EPHA6: variants seen among roughly 807,000 people sequenced by gnomAD.
EPHA6 encodes ephrin type-A receptor 6.
EPHA6 carries 50 observed loss-of-function variants against 112.0 expected under a neutral mutation model. The observed-to-expected ratio is 0.45, with a 90% CI of 0.36 to 0.56. EPHA6 has a LOEUF of 0.56. EPHA6 is among the 20% of genes least tolerant of loss of function. The pLI, the probability that EPHA6 is intolerant of heterozygous loss-of-function variation, is 0.00. For synonymous variants in EPHA6, 529 were observed against 490.7 expected, an observed-to-expected ratio of 1.08 and a Z score of -1.03; for missense variants, 1,280 against 1,417.4, an observed-to-expected ratio of 0.90 and a Z score of 1.56.
chr3:97,129,212 T>C (rs1478885254), intron 3 of EPHA6, among the ~76,000 whole-genome samples: 3 of 151,946 alleles, frequency 2.0e-5, no homozygotes, highest in Non-Finnish European at 4.4e-5. Context: ...AAAGGTACAG[T>C]GGTGGGGCCA....
At chr3:96,999,456 C>CT (rs2043548667) in intron 3 of EPHA6, among the ~76,000 whole-genome samples, 1 of 151,882 alleles carries the variant, frequency 6.6e-6, no homozygotes, top group African/African-American at 2.4e-5. Context: ...TTAGAGCAGA[C>CT]TTATGTCCTT....
At position 97,518,580 on chromosome 3, in the gene EPHA6, C is replaced by T. The variant is rs557694560; in HGVS notation, c.2201-13778C>T. 1.0e-3 allele frequency among the ~76,000 whole-genome samples: 151 copies of T among 150,928 alleles called. 1 individual carries two copies. Among genetic ancestry groups the T allele is most frequent in the Admixed American group, 6.6e-4 (10 of 15,130 alleles). On this transcript the variant is annotated intron_variant, in intron 10 of 17. Coordinates refer to ENST00000389672, the MANE Select transcript of EPHA6 (RefSeq NM_001080448.3). The stretch of plus-strand genomic sequence containing the variant: ...CATACTGTTTTCCATAGTGGCTATA[C>T]TAATTTATATTCCCATCAACAGTGT...
chr3:96,952,369 G>T (rs547591872), intron 2 of EPHA6, among the ~76,000 whole-genome samples: 47 of 152,222 alleles, frequency 3.1e-4, no homozygotes, highest in South Asian at 6.2e-4. Flanking sequence ...TGTTTGGATC[G>T]TGAAGGCTTT....
intron 3 of EPHA6, among the ~76,000 whole-genome samples, chr3:96,993,319 A>G (rs1288671570): frequency 4.7e-5 from 7 of 149,426 alleles, no homozygotes; most frequent in Non-Finnish European, 7.4e-5. Flanking sequence ...TTTTAATGAG[A>G]CAGAGTCTCT....
intron 4 of EPHA6, among the ~76,000 whole-genome samples, chr3:97,227,404 A>C (rs2108546723): frequency 6.6e-6 from 1 of 152,250 alleles, no homozygotes; most frequent in Admixed American, 6.5e-5. Flanking sequence ...TATTTTTAGT[A>C]GAGATGGGGT....
intron 3 of EPHA6, among the ~76,000 whole-genome samples, chr3:97,104,638 A>G (rs9832131): frequency 0.058 from 8,758 of 152,070 alleles, 308 homozygotes; most frequent in Middle Eastern, 0.14. Context: ...AGGTTTTGAT[A>G]TTGGGATGAT....
At chr3:96,916,848 CTAATT>C (rs1687647328) in intron 2 of EPHA6, among the ~76,000 whole-genome samples, 1 of 152,052 alleles carries the variant, frequency 6.6e-6, no homozygotes, top group Non-Finnish European at 1.5e-5. Context: ...TGGCAAAGAC[CTAATT>C]TGAATAACCA....
At chr3:97,093,007 G>A (rs2047122200) in intron 3 of EPHA6, among the ~76,000 whole-genome samples, 1 of 152,102 alleles carries the variant, frequency 6.6e-6, no homozygotes, top group East Asian at 1.9e-4. Context: ...TAGAATAAGA[G>A]AACCTGGAGA....
chr3:97,109,012 C>T (rs567492408), intron 3 of EPHA6, among the ~76,000 whole-genome samples: 1 of 152,244 alleles, frequency 6.6e-6, no homozygotes, highest in Admixed American at 6.6e-5. Context: ...AGATGGCAGG[C>T]TACACTCATA....
intron 15 of EPHA6, among the ~76,000 whole-genome samples, chr3:97,733,967 G>A (rs970873809): frequency 6.6e-6 from 1 of 151,956 alleles, no homozygotes. Context: ...AATGTTGTAA[G>A]TTAAAAGGAA....
chr3:97,613,729 T>C (rs1022645179), intron 13 of EPHA6, among the ~76,000 whole-genome samples: 1 of 152,172 alleles, frequency 6.6e-6, no homozygotes, highest in African/African-American at 2.4e-5. Context: ...ACATTCTGAC[T>C]TAGCAAGCAA....
chr3:97,419,975 G>A (rs1234353978), intron 6 of EPHA6, among the ~76,000 whole-genome samples: 1 of 151,976 alleles, frequency 6.6e-6, no homozygotes, highest in Non-Finnish European at 1.5e-5. Flanking sequence ...TAAAAAATGG[G>A]TTGTATTACC....
intron 3 of EPHA6, among the ~76,000 whole-genome samples, chr3:97,139,543 A>G (rs1408037913): frequency 1.3e-5 from 2 of 152,172 alleles, no homozygotes; most frequent in African/African-American, 2.4e-5. Context: ...ACAAATAACC[A>G]GCATTTGAGA....
chr3:97,467,391 C>A (rs2091091006), intron 7 of EPHA6, among the ~76,000 whole-genome samples: 1 of 151,674 alleles, frequency 6.6e-6, no homozygotes, highest in Admixed American at 6.6e-5. Context: ...TAATGATTAT[C>A]CATTTCATTA....
intron 3 of EPHA6, among the ~76,000 whole-genome samples, chr3:97,028,188 C>T (rs915077405): frequency 4.6e-5 from 7 of 152,100 alleles, no homozygotes; most frequent in Non-Finnish European, 1.0e-4. Context: ...AACCCAAAGA[C>T]TGATTTAGTA....
In EPHA6 at chr3:97,587,557, T is replaced by C. The variant is rs573154377; in HGVS notation, c.2387-5055T>C. On this transcript the variant is annotated intron_variant, in intron 11 of 17. Coordinates refer to ENST00000389672, the MANE Select transcript of EPHA6 (RefSeq NM_001080448.3). ...TATTTCAATATTTGATTTCACGTAA[T>C]AATCACACTACAAACAGGCACAACA... 3.3e-5 allele frequency among the ~76,000 whole-genome samples: 5 copies of C among 152,324 alleles called. No homozygotes were observed. The East Asian group carries it at 9.7e-4, about 29-fold the overall frequency.
In EPHA6 at chr3:97,432,204, C is replaced by T. The variant is rs527998801; in HGVS notation, c.1732-16364C>T. Among the ~76,000 whole-genome samples, 5 of 152,218 alleles carry T rather than the reference C, an allele frequency of 3.3e-5. 1 individual carries two copies. The highest frequency in any genetic ancestry group is 2.6e-4 in the Admixed American group (4 of 15,286). On this transcript the variant is annotated intron_variant, in intron 6 of 17. Coordinates refer to ENST00000389672, the MANE Select transcript of EPHA6 (RefSeq NM_001080448.3). ...CATGGAATTAAAAGGTGGTGGTGTT[C>T]TGGGAGATTAATTTACTAAACAACA...
chr3:97,592,228 C>T, intron 11 of EPHA6, among the ~76,000 whole-genome samples: 1 of 152,290 alleles, frequency 6.6e-6, no homozygotes, highest in Admixed American at 6.5e-5. Context: ...TAGCATATAT[C>T]AGATCTTATC....
intron 5 of EPHA6, among the ~76,000 whole-genome samples, chr3:97,344,795 C>G (rs1388921062): frequency 6.6e-6 from 1 of 151,910 alleles, no homozygotes; most frequent in Non-Finnish European, 1.5e-5. Context: ...CTCTAATTTG[C>G]TAATAATGTT....
Sources: allele counts gnomAD v4.1 joint callset (sites outside exome capture counted in the v4.1 genomes callset), GRCh38; gene constraint gnomAD v4.1.1; transcripts MANE v1.5; gene names NCBI Gene and HGNC (gene_info 2026-07-23, HGNC 2026-07-21).